COL5A3: variants seen among roughly 807,000 people sequenced by gnomAD.
The protein encoded by COL5A3 is collagen alpha-3(V) chain.
COL5A3 carries 172 observed loss-of-function variants against 250.0 expected under a neutral mutation model. That is an observed-to-expected ratio of 0.69 (90% confidence interval 0.61 to 0.78). The LOEUF is 0.78. Among genes scored for constraint, COL5A3 ranks in the 30% least tolerant of loss-of-function variants. The pLI, the probability that COL5A3 is intolerant of heterozygous loss-of-function variation, is 0.00. For missense variants in COL5A3, 2,340 were observed against 2,334.4 expected (o/e 1.00, Z -0.05); for synonymous variants, 937 against 900.4 (o/e 1.04, Z -0.73).
Position 9,966,676 on chromosome 19 carries a change from T to A in COL5A3, c.4529A>T (p.Glu1510Val). 2.0e-5 allele frequency: 31 copies of A among 1,538,420 alleles called. No homozygotes were observed. Among genetic ancestry groups the A allele is most frequent in the Non-Finnish European group, 2.7e-5 (31 of 1,147,590 alleles). ...RFVPVPLPVV[E>V]GGLEEVLASL... ...GGCCAGCACCTCCTCCAGGCCGCCC[T>A]CCACGACTGGAAGCGGGACTGGGAC... The change falls in exon 63 of 67, where the codon GAG becomes GTG. Residue 1510 changes from glutamate to valine, a missense_variant. Glu to Val is a moderately radical substitution (Grantham distance 121). Around this residue, in one of 3 missense-constraint regions of COL5A3, gnomAD observed 1,179 missense variants for 1,162.6 expected, o/e 1.01. Transcript: ENST00000264828.
rs368054777 is a variant in COL5A3 at position 9,996,124 on chromosome 19, G to C, written c.1480-5C>G. ...ACCTGGATGCCCGGGGAGACCCTTG[G>C]GGGAGGAGAGATGGAGGAGTGTGGG... is the stretch of plus-strand genomic sequence containing the variant. On this transcript the variant is annotated splice_region_variant and splice_polypyrimidine_tract_variant and intron_variant, in intron 14 of 66. Transcript: ENST00000264828. 15 of 1,572,366 alleles carry C rather than the reference G, an allele frequency of 9.5e-6. No homozygotes were observed. Among genetic ancestry groups the C allele is most frequent in the African/African-American group, 1.4e-5 (1 of 73,208 alleles).
At chr19:9,971,162 G>T in intron 52 of COL5A3, 43 bp downstream of exon 52, 1 of 1,506,674 alleles carries the variant, frequency 6.6e-7, no homozygotes, top group Non-Finnish European at 8.9e-7. Context: ...GATGGGGACA[G>T]AATTAGGAAA....
At chr19:9,971,560 CTCATTCAT>C (rs905942498) in intron 51 of COL5A3, among the ~76,000 whole-genome samples, 1 of 151,828 alleles carries the variant, frequency 6.6e-6, no homozygotes, top group Admixed American at 6.6e-5. Context: ...CATTCATTCA[CTCATTCAT>C]TCATTCATTC....
rs1036973551 is a variant in COL5A3, at chr19:10,009,455, C to T, written c.88+843G>A. On this transcript the variant is annotated intron_variant, in intron 1 of 66. Transcript: ENST00000264828. The surrounding 1 kb of genome is among the most constrained non-coding windows in gnomAD (Gnocchi z 4.4). ...CCTTGGGGGCTCCTGAGAAATTCCTCGGGAAAAACACCCAAGGCTCCAGCA... is the reference window on the plus strand; with the variant it reads ...CCTTGGGGGCTCCTGAGAAATTCCTTGGGAAAAACACCCAAGGCTCCAGCA... Among the ~76,000 whole-genome samples the T allele has an allele frequency of 5.5e-5, 8 of 145,846 alleles. No homozygotes were observed. The highest frequency in any genetic ancestry group is 1.2e-4 in the Non-Finnish European group (8 of 66,018).
chr19:9,976,695 C>A, intron 44 of COL5A3, 84 bp from the exon 45 acceptor site: 8 of 1,037,600 alleles, frequency 7.7e-6, no homozygotes, highest in Non-Finnish European at 9.9e-6. Flanking sequence ...CTGCCTCCCA[C>A]ACCCCCTTTA....
At position 10,001,670 on chromosome 19, in the gene COL5A3, T is replaced by C. The variant is rs2287803; in HGVS notation, c.964A>G (p.Arg322Gly). The change falls in exon 8 of 67, where the codon AGG (arginine) becomes GGG (glycine). Residue 322 changes from arginine (R) to glycine (G), a missense_variant and splice_region_variant. This residue lies in a region of COL5A3 where 1,152 missense variants were observed against 1,146.3 expected (regional missense o/e 1.00). Transcript: ENST00000264828. ...GTTCCACTGTCAGGGTCCAAGCTCC[T>C]CTGAGAACGTTAGGAAAGACCAAAG... ...TTGLNATILE[R>G]SLDPDSGTEL... is the part of the protein sequence containing the mutation. 1,559,076 of 1,613,908 alleles carry C rather than the reference T, an allele frequency of 0.97. 753,993 individuals carry two copies. The highest frequency in any genetic ancestry group is 0.98 in the Middle Eastern group (5,955 of 6,062).
At chr19:9,962,765 T>G (rs561098782) in intron 65 of COL5A3, 54 bp downstream of exon 65, 1 of 1,198,032 alleles carries the variant, frequency 8.3e-7, no homozygotes, top group South Asian at 1.3e-5. Flanking sequence ...CAAACCCCCC[T>G]GCTGGTTCCC....
intron 50 of COL5A3, 125 bp downstream of exon 50, chr19:9,973,445 G>A: frequency 2.1e-6 from 2 of 957,060 alleles, no homozygotes; most frequent in Non-Finnish European, 3.2e-6. Flanking sequence ...AGGTAATCAG[G>A]GACGGCCACA....
chr19:9,979,326 G>GT (rs750098517), intron 38 of COL5A3, 38 bp downstream of exon 38: 7 of 1,612,138 alleles, frequency 4.3e-6, no homozygotes, highest in Non-Finnish European at 4.2e-6. Context: ...TCCCCCAACT[G>GT]GTACAAAACA....
In COL5A3 at chr19:9,995,629, C is replaced by A. The variant is rs2145127239; in HGVS notation, c.1534-12G>T. On this transcript the variant is annotated splice_polypyrimidine_tract_variant and intron_variant, in intron 15 of 66. Transcript: ENST00000264828. ...AGGCCTCGGGGACCCTAGAAGAAAG[C>A]AAAAAGGAGGAAGGAAAGGAAAATA... 3 of 1,563,232 alleles carry A rather than the reference C, an allele frequency of 1.9e-6. No homozygotes were observed. The highest frequency in any genetic ancestry group is 2.3e-5 in the South Asian group (2 of 85,488).
chr19:9,998,260 AGT>A, intron 8 of COL5A3, 111 bp from the exon 9 acceptor site: 1 of 1,067,814 alleles, frequency 9.4e-7, no homozygotes, highest in Non-Finnish European at 1.3e-6. Flanking sequence ...ACACACACGG[AGT>A]CCACCCTCAG....
chr19:9,971,319 G>T (rs2086843347), intron 51 of COL5A3, 61 bp from the exon 52 acceptor site: 3 of 1,283,150 alleles, frequency 2.3e-6, no homozygotes, highest in Non-Finnish European at 3.2e-6. Context: ...TGCATTTATG[G>T]AACAGATCAA....
At chr19:9,993,206 T>A (rs979476166) in intron 19 of COL5A3, 139 bp from the exon 20 acceptor site, 7 of 1,135,188 alleles carry the variant, frequency 6.2e-6, no homozygotes, top group Non-Finnish European at 9.1e-6. Context: ...GTTCATGGGA[T>A]TCCATTCAGG....
chr19:9,972,315 ATCCATTCACTCACTC>A (rs1568409603), intron 51 of COL5A3, among the ~76,000 whole-genome samples: 2 of 42,432 alleles, frequency 4.7e-5, no homozygotes, highest in Non-Finnish European at 9.0e-5. Flanking sequence ...TCACTCGTTC[ATCCATTCACTCACTC>A]GTTCATCCAT....
At chr19:9,988,893 GA>G (rs1393442960) in intron 27 of COL5A3, among the ~76,000 whole-genome samples, 1 of 141,504 alleles carries the variant, frequency 7.1e-6, no homozygotes, top group Admixed American at 7.1e-5. Context: ...AAGGAAAAGA[GA>G]AAAGAAAGAA....
In COL5A3 at chr19:9,962,905, G is replaced by T. The variant is rs1184916536; in HGVS notation, c.4783-18C>A. On this transcript the variant is annotated intron_variant, in intron 64 of 66. Transcript: ENST00000264828. ...AATTTCACCTGGAAGAGAAAAGGGA[G>T]GGTCACTGTAGCTGACGCCCTTGGT... 6.3e-7 allele frequency: 1 copy of T among 1,599,686 alleles called. No homozygotes were observed. Among genetic ancestry groups the T allele is most frequent in the Non-Finnish European group, 8.5e-7 (1 of 1,170,564 alleles).
At chr19:9,971,573 T>C (rs1320079608) in intron 51 of COL5A3, among the ~76,000 whole-genome samples, 1 of 151,970 alleles carries the variant, frequency 6.6e-6, no homozygotes, top group Non-Finnish European at 1.5e-5. Context: ...ATTCATTCAT[T>C]CATTCATCCA....
At position 9,960,216 on chromosome 19, in the gene COL5A3, G is replaced by C. The variant is rs570393410; in HGVS notation, c.*195C>G. 4.6e-6 allele frequency: 3 copies of C among 656,610 alleles called. No homozygotes were observed. The highest frequency in any genetic ancestry group is 1.9e-5 in the South Asian group (1 of 51,840). The allele number at this position is 656,610 out of a possible 1,614,324, so 40.7% of individuals were successfully genotyped here. Reference sequence around the variant, plus strand: ...GCCACCTGGAATGGGGTGAGAGGAGGCTGGACCCTTGGGCCAGGGAACCCC... The same window carrying C: ...GCCACCTGGAATGGGGTGAGAGGAGCCTGGACCCTTGGGCCAGGGAACCCC... On this transcript the variant is annotated 3_prime_UTR_variant, in exon 67 of 67. Transcript: ENST00000264828.
At position 9,973,968 on chromosome 19, in the gene COL5A3, G is replaced by A. The variant is rs1224336003; in HGVS notation, c.3509C>T (p.Pro1170Leu). Residue 1170 changes from proline (P) to leucine (L), a missense_variant, in exon 48 of 67, where the codon CCC becomes CTC. By Grantham distance (98) the Pro-to-Leu change is moderately conservative (BLOSUM62 -3). This residue lies in a region of COL5A3 where 1,179 missense variants were observed against 1,162.6 expected (regional missense o/e 1.01). Transcript: ENST00000264828. ...GEVGDVGSMG[P>L]HGAPGPRGPQ... ...ACCCCGAGGACCTGGAGCTCCATGGGGACCCTGTGGAAGGTCAGAATTAGT... is the reference window on the plus strand; with the variant it reads ...ACCCCGAGGACCTGGAGCTCCATGGAGACCCTGTGGAAGGTCAGAATTAGT... 1 of 1,536,438 alleles carries A rather than the reference G, an allele frequency of 6.5e-7. No homozygotes were observed. Among genetic ancestry groups the A allele is most frequent in the South Asian group, 1.3e-5 (1 of 78,060 alleles).
Sources: gnomAD v4.1 joint callset for allele counts (sites outside exome capture counted in the v4.1 genomes callset) on GRCh38, gnomAD v4.1.1 for gene constraint, gnomAD v4.1.1 regional missense constraint, Gnocchi (gnomAD v3.1) non-coding constraint, MANE v1.5 for transcripts, NCBI Gene and HGNC (gene_info 2026-07-23, HGNC 2026-07-21) for gene names.